The following REXO1 variants were observed in gnomAD, a reference collection of about 807,000 sequenced individuals.
The protein encoded by REXO1 is RNA exonuclease 1 homolog, also known as REX1, RNA exonuclease 1 homolog.
Under a neutral mutation model 102.6 loss-of-function variants are expected in REXO1, and 42 were observed. That is an observed-to-expected ratio of 0.41 (90% CI 0.32 to 0.53). The LOEUF (loss-of-function observed/expected upper bound fraction) is 0.53, where lower values mean the gene tolerates loss of function less well. REXO1 is among the 20% of genes least tolerant of loss of function. The pLI is 0.27. For missense variants in REXO1, 1,819 were observed against 1,732.5 expected, an observed-to-expected ratio of 1.05 and a Z score of -0.89; for synonymous variants, 908 against 779.1, an observed-to-expected ratio of 1.17 and a Z score of -2.76.
At chr19:1,846,116 CCT>C (rs138604728) in intron 1 of REXO1, among the ~76,000 whole-genome samples, 2,106 of 152,302 alleles carry the variant, frequency 0.014, 52 homozygotes, top group African/African-American at 0.048. Context: ...CTGTCTATCT[CCT>C]CTCTGGAGGC....
chr19:1,823,974 T>A (rs2069629885), intron 3 of REXO1, 189 bp from the exon 4 acceptor site: 2 of 396,052 alleles, frequency 5.0e-6, no homozygotes, highest in Non-Finnish European at 8.9e-6. Flanking sequence ...GCCATGTGGC[T>A]CCAGGCTCCC....
intron 1 of REXO1, among the ~76,000 whole-genome samples, chr19:1,840,826 T>C (rs540303264): frequency 6.6e-6 from 1 of 152,200 alleles, no homozygotes; most frequent in Admixed American, 6.5e-5. Flanking sequence ...AGACAGGGCC[T>C]TGGAGGGCAC....
At chr19:1,831,445 A>AGCAAC (rs2069898345) in intron 1 of REXO1, among the ~76,000 whole-genome samples, 1 of 152,116 alleles carries the variant, frequency 6.6e-6, no homozygotes, top group African/African-American at 2.4e-5. Flanking sequence ...AGGCAGGCAC[A>AGCAAC]AGACCTCCCA....
chr19:1,837,100 G>A (rs1477150109), intron 1 of REXO1, among the ~76,000 whole-genome samples: 2 of 152,260 alleles, frequency 1.3e-5, no homozygotes, highest in Non-Finnish European at 2.9e-5. Flanking sequence ...GGCAGAGAAG[G>A]CACGGGGCTG....
In REXO1 at chr19:1,826,001, C is replaced by A. The variant is rs913248874; in HGVS notation, c.1912-58G>T. The A allele has an allele frequency of 1.9e-5, 24 of 1,293,180 alleles. No individual in the cohort carries two copies. The highest frequency in any genetic ancestry group is 4.0e-4 in the Middle Eastern group (2 of 5,012). 80.1% of individuals were successfully genotyped at this position (1,293,180 alleles called of 1,614,324 possible). ...TGCCCTCGCTGCCAACACCAACACA[C>A]CCCAACCTCAAACTGCCCCCGGCAA... On this transcript the variant is annotated intron_variant, in intron 2 of 15. Transcript: ENST00000170168. The surrounding 1 kb of genome is among the most constrained non-coding windows in gnomAD (Gnocchi z 4.3).
At chr19:1,820,241 AG>A in intron 6 of REXO1, 22 bp downstream of exon 6, 1 of 1,604,262 alleles carries the variant, frequency 6.2e-7, no homozygotes, top group African/African-American at 1.3e-5. Context: ...CCGACCGGCC[AG>A]ATAGGAACTC....
chr19:1,844,852 C>T (rs896022040), intron 1 of REXO1, among the ~76,000 whole-genome samples: 2 of 152,220 alleles, frequency 1.3e-5, no homozygotes, highest in African/African-American at 2.4e-5. Context: ...ACTAGCATCC[C>T]CTCAACGTGG....
In REXO1 at chr19:1,826,812, A is replaced by G. The variant is rs1295997882; in HGVS notation, c.1911+66T>C. ...CCAACTGGAAACCACTCCAGATAGA[A>G]GGTCTCTCACCAGGCCCTCGGCTCT... On this transcript the variant is annotated intron_variant, in intron 2 of 15. Transcript: ENST00000170168. The surrounding 1 kb of genome is among the most constrained non-coding windows in gnomAD (Gnocchi z 4.3). The G allele has an allele frequency of 1.3e-6, 2 of 1,530,260 alleles. No homozygotes were observed. The highest frequency in any genetic ancestry group is 8.8e-7 in the Non-Finnish European group (1 of 1,141,234). 94.8% of individuals were successfully genotyped at this position (1,530,260 alleles called of 1,614,324 possible).
chr19:1,818,846 G>A lies in REXO1; in HGVS notation c.2765-3C>T. 9 of 1,609,278 alleles carry A rather than the reference G, an allele frequency of 5.6e-6. No individual in the cohort carries two copies. Among genetic ancestry groups the A allele is most frequent in the Non-Finnish European group, 7.6e-6 (9 of 1,179,558 alleles). On this transcript the variant is annotated splice_region_variant and splice_polypyrimidine_tract_variant and intron_variant, in intron 8 of 15. Transcript: ENST00000170168. ...GAGGCGGCTGTACAGGGCAGCCCCTGTGGACAGGCACAGTGGTCAGCCCCT... is the reference window on the plus strand; with the variant it reads ...GAGGCGGCTGTACAGGGCAGCCCCTATGGACAGGCACAGTGGTCAGCCCCT...
chr19:1,848,471 CTCCGAG>C lies in REXO1; in HGVS notation c.-119_-114del. The C allele has an allele frequency of 2.5e-6, 2 of 806,894 alleles. No individual in the cohort carries two copies. The highest frequency in any genetic ancestry group is 1.5e-6 in the Non-Finnish European group (1 of 652,072). The allele number at this position is 806,894 out of a possible 1,614,324, so 50.0% of individuals were successfully genotyped here. On this transcript the variant is annotated 5_prime_UTR_variant, in exon 1 of 16. Transcript: ENST00000170168. ...CACGGACCCCGCCGCCGCCATCTTG[CTCCGAG>C]GCCCCCGGAGGCCCTCGGGACGCCG...
chr19:1,819,876 C>T, intron 7 of REXO1, 58 bp downstream of exon 7: 3 of 1,495,300 alleles, frequency 2.0e-6, no homozygotes, highest in Non-Finnish European at 2.7e-6. Context: ...AGGGTCCCAG[C>T]CCAGCTGCCA....
chr19:1,816,218 C>A lies in REXO1; in HGVS notation c.3577+7G>T. ...GGGACGGCCCCAGGGCAGGCACCGGCACTCACCATTGTCCTGGATGATCTG... is the reference window on the plus strand; with the variant it reads ...GGGACGGCCCCAGGGCAGGCACCGGAACTCACCATTGTCCTGGATGATCTG... On this transcript the variant is annotated splice_region_variant and intron_variant, in intron 15 of 15. Transcript: ENST00000170168. 1 of 1,579,170 alleles carries A rather than the reference C, an allele frequency of 6.3e-7. No homozygotes were observed. The highest frequency in any genetic ancestry group is 1.8e-5 in the Admixed American group (1 of 54,762).
intron 1 of REXO1, among the ~76,000 whole-genome samples, chr19:1,841,472 G>A (rs1181130868): frequency 6.6e-6 from 1 of 152,244 alleles, no homozygotes; most frequent in Non-Finnish European, 1.5e-5. Flanking sequence ...ACACTCAGAT[G>A]CCACGACCCC....
Position 1,827,715 on chromosome 19 carries a change from G to C in REXO1, c.1074C>G (p.Ser358=), listed in dbSNP as rs35091505. 0.012 allele frequency: 18,296 copies of C among 1,571,014 alleles called. 127 individuals carry two copies. The highest frequency in any genetic ancestry group is 0.014 in the Non-Finnish European group (16,691 of 1,169,686). Residue 358 remains serine (S), a synonymous_variant, in exon 2 of 16, where the codon TCC becomes TCG. Coordinates refer to ENST00000170168, the MANE Select transcript of REXO1 (RefSeq NM_020695.4). ...DLQPPPAKPA[S]PAQVQSSQDG... The stretch of plus-strand genomic sequence containing the variant: ...CCTGTGAGGACTGGACCTGGGCTGG[G>C]GAGGCGGGCTTGGCTGGGGGCGGCT...
intron 1 of REXO1, among the ~76,000 whole-genome samples, chr19:1,834,765 A>T (rs747066626): frequency 6.6e-6 from 1 of 152,146 alleles, no homozygotes; most frequent in Non-Finnish European, 1.5e-5. Context: ...TGGAGGCCGG[A>T]GGGCACACTC....
intron 1 of REXO1, among the ~76,000 whole-genome samples, chr19:1,835,181 G>A (rs2070005450): frequency 6.6e-6 from 1 of 152,174 alleles, no homozygotes. Flanking sequence ...GTCAGGACTG[G>A]AAAGGCCCCA....
Position 1,826,958 on chromosome 19 carries a change from C to T in REXO1, c.1831G>A (p.Asp611Asn), listed in dbSNP as rs759184364. 22 of 1,574,416 alleles carry T rather than the reference C, an allele frequency of 1.4e-5. No individual in the cohort carries two copies. Among genetic ancestry groups the T allele is most frequent in the East Asian group, 2.3e-5 (1 of 43,066 alleles). The change falls in exon 2 of 16, where the codon GAC (aspartate) becomes AAC (asparagine). Residue 611 changes from aspartate to asparagine, a missense_variant. By Grantham distance (23) the Asp-to-Asn change is conservative. Coordinates refer to ENST00000170168, the MANE Select transcript of REXO1 (RefSeq NM_020695.4). This position sits in a 1 kb window ranked among gnomAD's most constrained non-coding sequence, Gnocchi z 4.3. ...ALEKEVDFDSDPMEECLRIFN... is the reference protein window; with the variant it reads ...ALEKEVDFDSNPMEECLRIFN... The stretch of plus-strand genomic sequence containing the variant: ...ATCCGCAGGCACTCCTCCATGGGGT[C>T]GGAGTCAAAGTCCACCTCCTTCTCC...
chr19:1,827,068 G>A lies in REXO1; in HGVS notation c.1721C>T (p.Pro574Leu), dbSNP rs766639191. ...GGAGGATGGGGCGGGGGAGGGGGGC[G>A]GGGAGGCCTTGAGCCGCTTGGGCGG... The part of the protein sequence containing the change: ...QGPPKRLKAS[P>L]PPSPAPSSSS... Residue 574 changes from proline to leucine, a missense_variant, in exon 2 of 16, where the codon CCG becomes CTG. Physicochemically the swap from Pro to Leu is moderately conservative, Grantham distance 98 (BLOSUM62 -3). Coordinates refer to ENST00000170168, the MANE Select transcript of REXO1 (RefSeq NM_020695.4). 4.8e-4 allele frequency: 383 copies of A among 792,306 alleles called. No individual in the cohort carries two copies. Among genetic ancestry groups the A allele is most frequent in the Middle Eastern group, 1.3e-3 (4 of 2,980 alleles). The allele number at this position is 792,306 out of a possible 1,614,324, so 49.1% of individuals were successfully genotyped here. A position where few individuals can be genotyped will look rare whatever the true frequency, so the allele number is the denominator to read the frequency against.
chr19:1,819,914 G>A lies in REXO1; in HGVS notation c.2650+20C>T, dbSNP rs757013429. ...CCAAGAGCAACCCTGAGCCTCCCCC[G>A]CCCACCCGCCAGGACTCACTGCTGA... On this transcript the variant is annotated intron_variant, in intron 7 of 15. Coordinates refer to ENST00000170168, the MANE Select transcript of REXO1 (RefSeq NM_020695.4). 34 of 1,524,366 alleles carry A rather than the reference G, an allele frequency of 2.2e-5. No homozygotes were observed. The highest frequency in any genetic ancestry group is 1.8e-4 in the Middle Eastern group (1 of 5,710). 94.4% of individuals were successfully genotyped at this position (1,524,366 alleles called of 1,614,324 possible). A position where few individuals can be genotyped will look rare whatever the true frequency, so the allele number is the denominator to read the frequency against.
Sources: allele counts gnomAD v4.1 joint callset (sites outside exome capture counted in the v4.1 genomes callset), GRCh38; gene constraint gnomAD v4.1.1; non-coding constraint Gnocchi (gnomAD v3.1); transcripts MANE v1.5; gene names NCBI Gene and HGNC (gene_info 2026-07-23, HGNC 2026-07-21).